CNTNAP5: variants seen among roughly 807,000 people sequenced by gnomAD.
CNTNAP5 encodes contactin-associated protein-like 5.
In CNTNAP5, 72 loss-of-function variants were observed where a neutral mutation model predicts 150.2. The ratio of observed to expected loss-of-function variants is 0.48; its 90% confidence interval spans 0.40 to 0.58. CNTNAP5 has a LOEUF of 0.58. Ranked by LOEUF, CNTNAP5 falls within the 20% of genes least tolerant of loss-of-function variation. The probability of loss-of-function intolerance (pLI) is 0.00; values close to 1 mark genes in which losing one functional copy is unlikely to be tolerated. For missense variants in CNTNAP5, 1,636 were observed against 1,626.2 expected (o/e 1.01, Z -0.10); for synonymous variants, 672 against 619.8 (o/e 1.08, Z -1.25).
chr2:124,387,368 C>G (rs528179390), intron 3 of CNTNAP5, among the ~76,000 whole-genome samples: 11 of 152,176 alleles, frequency 7.2e-5, no homozygotes, highest in Non-Finnish European at 1.5e-4. Flanking sequence ...AAGTTTCATG[C>G]GCGTCCATGT....
Position 124,040,621 on chromosome 2 carries a change from CTGTG to C in CNTNAP5, c.82+14921_82+14924del, listed in dbSNP as rs58364625. Among the ~76,000 whole-genome samples the C allele has an allele frequency of 2.2e-3, 321 of 145,134 alleles. 3 individuals carry two copies. The highest frequency in any genetic ancestry group is 6.9e-3 in the African/African-American group (270 of 39,018). Reference sequence around the variant, plus strand: ...TGTGCCTGTGTGCCTCTGTATGCCTCTGTGTGTGTGTGTGTGTGTGTGTGTGTGT... The same window carrying C: ...TGTGCCTGTGTGCCTCTGTATGCCTCTGTGTGTGTGTGTGTGTGTGTGTGT... On this transcript the variant is annotated intron_variant, in intron 1 of 23. Coordinates refer to ENST00000682447, the MANE Select transcript of CNTNAP5 (RefSeq NM_001367498.1).
chr2:124,386,573 T>G (rs1244207772), intron 3 of CNTNAP5, among the ~76,000 whole-genome samples: 1 of 152,230 alleles, frequency 6.6e-6, no homozygotes, highest in Non-Finnish European at 1.5e-5. Context: ...TTGCTGTAGT[T>G]TACAGCTGTA....
At chr2:124,659,365 G>A (rs1204718081) in intron 13 of CNTNAP5, among the ~76,000 whole-genome samples, 1 of 152,144 alleles carries the variant, frequency 6.6e-6, no homozygotes, top group Non-Finnish European at 1.5e-5. Context: ...AAGATATGAA[G>A]CTTCCTAAAA....
intron 1 of CNTNAP5, among the ~76,000 whole-genome samples, chr2:124,188,494 C>A (rs534931654): frequency 4.0e-5 from 6 of 151,768 alleles, no homozygotes; most frequent in East Asian, 1.9e-4. Flanking sequence ...CCAAGGTGGG[C>A]GGATCATGAG....
At chr2:124,913,628 T>C (rs1373783557) in intron 23 of CNTNAP5, among the ~76,000 whole-genome samples, 4 of 152,076 alleles carry the variant, frequency 2.6e-5, no homozygotes, top group Admixed American at 2.0e-4. Context: ...TAAAACAAAT[T>C]TACATCAGGA....
intron 5 of CNTNAP5, 78 bp downstream of exon 5, chr2:124,434,765 C>G (rs749129652): frequency 2.6e-4 from 329 of 1,277,360 alleles, no homozygotes; most frequent in Middle Eastern, 5.3e-4. Flanking sequence ...CTGACACTTG[C>G]AGTGTATCTG....
chr2:124,455,172 AAG>A (rs1693091896), intron 6 of CNTNAP5, among the ~76,000 whole-genome samples: 1 of 152,004 alleles, frequency 6.6e-6, no homozygotes, highest in African/African-American at 2.4e-5. Context: ...CAAAAAAAAG[AAG>A]AGAAAAAATC....
intron 3 of CNTNAP5, among the ~76,000 whole-genome samples, chr2:124,285,386 C>T (rs1323248448): frequency 6.6e-6 from 1 of 152,136 alleles, no homozygotes; most frequent in East Asian, 1.9e-4. Context: ...GTAATGCATA[C>T]ATTAAACAGG....
At chr2:124,046,189 A>G (rs993787053) in intron 1 of CNTNAP5, among the ~76,000 whole-genome samples, 2 of 152,160 alleles carry the variant, frequency 1.3e-5, no homozygotes, top group Non-Finnish European at 2.9e-5. Flanking sequence ...TGGGGTGCTG[A>G]AGAGAGTGGG....
intron 13 of CNTNAP5, among the ~76,000 whole-genome samples, chr2:124,709,834 AT>A (rs1175759307): frequency 2.6e-5 from 4 of 152,176 alleles, no homozygotes; most frequent in Admixed American, 2.6e-4. Context: ...TTCATATGAC[AT>A]TGAAAGGGTA....
chr2:124,489,389 G>A (rs992087815), intron 7 of CNTNAP5, among the ~76,000 whole-genome samples: 2 of 152,132 alleles, frequency 1.3e-5, no homozygotes, highest in Admixed American at 6.5e-5. Context: ...GCATGTCTGT[G>A]TCCTAATATC....
Position 124,453,076 on chromosome 2 carries a change from A to C in CNTNAP5, c.918+6139A>C, listed in dbSNP as rs910900617. 5.3e-5 allele frequency among the ~76,000 whole-genome samples: 8 copies of C among 152,164 alleles called. No homozygotes were observed. In the South Asian group the frequency reaches 1.0e-3, roughly 20 times the overall value. ...AATTCAGAAGGTTAGTTATTCAGCT[A>C]ATCAGTGAGATACCAGAGAAAGTCA... On this transcript the variant is annotated intron_variant, in intron 6 of 23. Coordinates refer to ENST00000682447, the MANE Select transcript of CNTNAP5 (RefSeq NM_001367498.1).
intron 13 of CNTNAP5, among the ~76,000 whole-genome samples, chr2:124,704,325 A>G (rs1418521271): frequency 6.6e-6 from 1 of 152,166 alleles, no homozygotes; most frequent in Non-Finnish European, 1.5e-5. Context: ...AAAATCATTA[A>G]CACCTAAGTG....
intron 3 of CNTNAP5, among the ~76,000 whole-genome samples, chr2:124,412,589 A>C (rs1442029754): frequency 3.3e-5 from 5 of 150,970 alleles, no homozygotes; most frequent in South Asian, 2.1e-4. Flanking sequence ...ATCTACAACT[A>C]TCTGATCTTT....
At chr2:124,272,201 C>T (rs1687776565) in intron 3 of CNTNAP5, among the ~76,000 whole-genome samples, 1 of 152,122 alleles carries the variant, frequency 6.6e-6, no homozygotes, top group Admixed American at 6.5e-5. Flanking sequence ...AATTAAGCAG[C>T]AAAGAAGCTT....
intron 3 of CNTNAP5, among the ~76,000 whole-genome samples, chr2:124,415,381 G>T (rs571095309): frequency 1.3e-5 from 2 of 152,098 alleles, no homozygotes; most frequent in African/African-American, 4.8e-5. Flanking sequence ...TACATCAATC[G>T]CCTAATTTCA....
intron 13 of CNTNAP5, among the ~76,000 whole-genome samples, chr2:124,736,561 A>G (rs1037937584): frequency 1.3e-5 from 2 of 152,172 alleles, no homozygotes; most frequent in African/African-American, 4.8e-5. Flanking sequence ...TGAAAACCTT[A>G]CTGTATGGTG....
At chr2:124,355,736 T>C (rs1373458874) in intron 3 of CNTNAP5, among the ~76,000 whole-genome samples, 1 of 152,188 alleles carries the variant, frequency 6.6e-6, no homozygotes, top group African/African-American at 2.4e-5. Flanking sequence ...GATCCATTAT[T>C]ATTTTTTTCT....
rs374118230 is a variant in CNTNAP5, at chr2:124,600,731, C to CAGAGAGAGAG, written c.1757-9042_1757-9033dup. 4.9e-3 allele frequency among the ~76,000 whole-genome samples: 608 copies of CAGAGAGAGAG among 124,058 alleles called. 2 individuals are homozygous for CAGAGAGAGAG. Among genetic ancestry groups the CAGAGAGAGAG allele is most frequent in the African/African-American group, 6.1e-3 (192 of 31,574 alleles). The allele number at this position is 124,058 out of a possible 152,430, so 81.4% of individuals were successfully genotyped here. On this transcript the variant is annotated intron_variant, in intron 11 of 23. Transcript: ENST00000682447. ...ACCCCCAAAATACAACAACAATACT[C>CAGAGAGAGAG]AGAGAGAGAGAGAGAGAGAGAGAGA...
Sources: allele counts gnomAD v4.1 joint callset (sites outside exome capture counted in the v4.1 genomes callset), GRCh38; gene constraint gnomAD v4.1.1; transcripts MANE v1.5; gene names NCBI Gene and HGNC (gene_info 2026-07-23, HGNC 2026-07-21).